The following RBFOX1 variants were observed in gnomAD, a reference collection of about 807,000 sequenced individuals.
The protein encoded by RBFOX1 is RNA binding fox-1 homolog 1.
RBFOX1 carries 8 observed loss-of-function variants against 57.7 expected under a neutral mutation model. That is an observed-to-expected ratio of 0.14 (90% confidence interval 0.08 to 0.25). RBFOX1 has a LOEUF of 0.25. RBFOX1 is among the 10% of genes least tolerant of loss of function. RBFOX1 has a pLI of 1.00. For missense variants in RBFOX1, 611 were observed against 548.5 expected (o/e 1.11, Z -1.14); for synonymous variants, 326 against 222.4 (o/e 1.47, Z -4.15).
chr16:5,530,885 C>T (rs12931452), intron 2 of RBFOX1, among the ~76,000 whole-genome samples: 42,591 of 140,676 alleles, frequency 0.3, 6,830 homozygotes, highest in Admixed American at 0.38. Flanking sequence ...GTCAGGAGTT[C>T]GAGACCAGCC....
intron 4 of RBFOX1, among the ~76,000 whole-genome samples, chr16:7,387,939 A>T (rs1185240405): frequency 6.6e-6 from 1 of 152,174 alleles, no homozygotes; most frequent in Non-Finnish European, 1.5e-5. Flanking sequence ...CATTGTTGGA[A>T]GGGTCAAAGC....
chr16:5,561,763 G>C (rs549341752), intron 2 of RBFOX1, among the ~76,000 whole-genome samples: 1 of 151,950 alleles, frequency 6.6e-6, no homozygotes, highest in African/African-American at 2.4e-5. Context: ...TGGGGTGAGA[G>C]GGTCACTTGT....
At chr16:6,362,126 A>G (rs2088659900) in intron 2 of RBFOX1, among the ~76,000 whole-genome samples, 1 of 152,046 alleles carries the variant, frequency 6.6e-6, no homozygotes, top group Non-Finnish European at 1.5e-5. Context: ...TGACAGAATC[A>G]TTTTCATGAG....
intron 5 of RBFOX1, among the ~76,000 whole-genome samples, chr16:7,543,709 GTGTGTGTGTGTT>G (rs1228400264): frequency 1.0e-4 from 6 of 57,244 alleles, no homozygotes; most frequent in South Asian, 1.1e-3. Flanking sequence ...GTGTGTGTGT[GTGTGTGTGTGTT>G]TATTTTTTAT....
chr16:6,260,497 G>C (rs530879916), intron 1 of RBFOX1, among the ~76,000 whole-genome samples: 1 of 152,262 alleles, frequency 6.6e-6, no homozygotes, highest in South Asian at 2.1e-4. Flanking sequence ...ATGGTAGAGA[G>C]AAATCAGCCC....
chr16:6,896,597 A>G (rs1020374584), intron 3 of RBFOX1, among the ~76,000 whole-genome samples: 1 of 152,154 alleles, frequency 6.6e-6, no homozygotes, highest in African/African-American at 2.4e-5. Flanking sequence ...AAATGAGAGG[A>G]TCTCATCCTC....
rs138363640 is a variant in RBFOX1 at position 5,661,582 on chromosome 16, G to A, written c.318+62621G>A. Among the ~76,000 whole-genome samples, 1,109 of 152,250 alleles carry A rather than the reference G, an allele frequency of 7.3e-3. 11 individuals are homozygous for A. The highest frequency in any genetic ancestry group is 0.025 in the African/African-American group (1,042 of 41,522). ...TTGACAAAACTTGTATATGTTTAAG[G>A]TATACGGTGTAATGATTTGATGTAC... is the stretch of plus-strand genomic sequence containing the variant. On this transcript the variant is annotated intron_variant, in intron 3 of 19. Transcript: ENST00000641259.
Position 6,260,659 on chromosome 16 carries a change from C to G in RBFOX1, c.-126-56336C>G, listed in dbSNP as rs374816055. 2.1e-4 allele frequency among the ~76,000 whole-genome samples: 32 copies of G among 152,304 alleles called. No individual in the cohort carries two copies. The East Asian group carries it at 5.0e-3, about 24-fold the overall frequency. ...TTGGGAGGCCGAGGCAGGTGGATCA[C>G]TTGAGGTCACGAGTTTGAGGCCAGC... On this transcript the variant is annotated intron_variant, in intron 1 of 15. Coordinates refer to ENST00000550418, the MANE Select transcript of RBFOX1 (RefSeq NM_018723.4).
At chr16:5,401,449 G>T (rs1000891960) in intron 1 of RBFOX1, among the ~76,000 whole-genome samples, 15 of 152,140 alleles carry the variant, frequency 9.9e-5, no homozygotes, top group Non-Finnish European at 2.1e-4. Context: ...CCATTAATGT[G>T]CTGGAACAAC....
intron 4 of RBFOX1, among the ~76,000 whole-genome samples, chr16:7,351,728 T>C (rs1405962993): frequency 6.6e-6 from 1 of 152,188 alleles, no homozygotes; most frequent in East Asian, 1.9e-4. Flanking sequence ...TAAATACCCA[T>C]GTCCACAGGG....
intron 4 of RBFOX1, among the ~76,000 whole-genome samples, chr16:5,909,388 G>A (rs1234567335): frequency 2.6e-5 from 4 of 151,930 alleles, no homozygotes; most frequent in African/African-American, 7.2e-5. Context: ...CACTGTGCCC[G>A]GCCCAAGCCC....
chr16:6,507,484 A>C (rs1263158843), intron 2 of RBFOX1, among the ~76,000 whole-genome samples: 1 of 145,948 alleles, frequency 6.9e-6, no homozygotes, highest in Non-Finnish European at 1.5e-5. Flanking sequence ...CAACCTGGGC[A>C]ACATAACAAG....
chr16:6,588,295 A>G lies in RBFOX1; in HGVS notation c.-63-66308A>G, dbSNP rs545089500. Reference sequence around the variant, plus strand: ...AAAACAATTCTTATTTTTTTAATGTAGATACTAACTGGAACATGCATCGCA... The same window carrying G: ...AAAACAATTCTTATTTTTTTAATGTGGATACTAACTGGAACATGCATCGCA... On this transcript the variant is annotated intron_variant, in intron 2 of 15. Transcript: ENST00000550418. Among the ~76,000 whole-genome samples the G allele has an allele frequency of 2.0e-4, 31 of 151,958 alleles. No individual in the cohort carries two copies. The South Asian group carries it at 2.1e-3, about 10-fold the overall frequency.
At chr16:6,195,447 G>C (rs1253483137) in intron 1 of RBFOX1, among the ~76,000 whole-genome samples, 2 of 152,236 alleles carry the variant, frequency 1.3e-5, no homozygotes, top group African/African-American at 4.8e-5. Flanking sequence ...GCCGGGCGCA[G>C]TGGCTCATGC....
At chr16:7,417,479 T>A (rs1353559069) in intron 4 of RBFOX1, among the ~76,000 whole-genome samples, 4 of 151,826 alleles carry the variant, frequency 2.6e-5, no homozygotes, top group African/African-American at 9.7e-5. Flanking sequence ...GAAACTGACC[T>A]TGATCCAATG....
chr16:7,502,874 T>C lies in RBFOX1; in HGVS notation c.28-15273T>C, dbSNP rs147768191. Among the ~76,000 whole-genome samples, 1,446 of 152,024 alleles carry C rather than the reference T, an allele frequency of 9.5e-3. 27 individuals are homozygous for C. Among genetic ancestry groups the C allele is most frequent in the African/African-American group, 0.034 (1,398 of 41,466 alleles). ...TCCCTGTCTACTAAAAATACAAAAA[T>C]TAGCCAAGTGTGGTGGCAGGTGCCT... On this transcript the variant is annotated intron_variant, in intron 4 of 15. Transcript: ENST00000550418.
chr16:6,604,296 A>C (rs1978319), intron 2 of RBFOX1, among the ~76,000 whole-genome samples: 151,371 of 152,280 alleles, frequency 0.99, 75,241 homozygotes, highest in Middle Eastern at 1. Flanking sequence ...CTCAATAAAT[A>C]TTATTGTTGA....
At chr16:5,922,025 G>T (rs2058834505) in intron 4 of RBFOX1, among the ~76,000 whole-genome samples, 2 of 152,126 alleles carry the variant, frequency 1.3e-5, no homozygotes, top group African/African-American at 4.8e-5. Context: ...GCCGGGCATG[G>T]TGATGTACTC....
intron 4 of RBFOX1, among the ~76,000 whole-genome samples, chr16:7,171,313 C>T (rs2080655067): frequency 6.6e-6 from 1 of 152,180 alleles, no homozygotes; most frequent in South Asian, 2.1e-4. Context: ...TGTCATTGTA[C>T]ATCCCAATTT....
Sources: allele counts gnomAD v4.1 joint callset (sites outside exome capture counted in the v4.1 genomes callset), GRCh38; gene constraint gnomAD v4.1.1; transcripts MANE v1.5; gene names NCBI Gene and HGNC (gene_info 2026-07-23, HGNC 2026-07-21).